The following SLC35D1 variants were observed in gnomAD, a reference collection of about 807,000 sequenced individuals.
SLC35D1 encodes the protein solute carrier family 35 member D1.
A neutral mutation model predicts 46.7 loss-of-function variants in SLC35D1; 31 were observed. The observed-to-expected ratio is 0.66, with a 90% confidence interval of 0.50 to 0.90. The LOEUF is 0.90. Among genes scored for constraint, SLC35D1 ranks in the 40% least tolerant of loss-of-function variants. The pLI is 0.00. For missense variants in SLC35D1, 397 were observed against 426.2 expected (o/e 0.93, Z 0.60); for synonymous variants, 195 against 164.6 (o/e 1.18, Z -1.41).
intron 2 of SLC35D1, 28 bp downstream of exon 2, chr1:67,052,928 C>T: frequency 6.2e-7 from 1 of 1,614,086 alleles, no homozygotes; most frequent in Admixed American, 1.7e-5. Flanking sequence ...ACAACATAAA[C>T]CACGTAATGG....
intron 10 of SLC35D1, among the ~76,000 whole-genome samples, chr1:67,016,815 C>T (rs1331957321): frequency 6.6e-6 from 1 of 152,030 alleles, no homozygotes. Context: ...TTTACCAATA[C>T]TTTGACTAAA....
intron 8 of SLC35D1, among the ~76,000 whole-genome samples, chr1:67,022,638 T>C (rs189027046): frequency 1.3e-5 from 2 of 152,332 alleles, no homozygotes. Context: ...CCACATCACA[T>C]TTATCTAATC....
intron 10 of SLC35D1, among the ~76,000 whole-genome samples, chr1:67,012,221 T>C (rs1667580529): frequency 1.3e-5 from 2 of 152,180 alleles, no homozygotes; most frequent in Non-Finnish European, 2.9e-5. Flanking sequence ...AAAAGTCCAG[T>C]CCCATGAGGG....
At position 67,009,110 on chromosome 1, in the gene SLC35D1, TC is replaced by T; in HGVS notation, c.933del (p.Trp311Ter). 1 of 1,515,024 alleles carries T rather than the reference TC, an allele frequency of 6.6e-7. No individual in the cohort carries two copies. Among genetic ancestry groups the T allele is most frequent in the Non-Finnish European group, 9.1e-7 (1 of 1,093,120 alleles). The allele number at this position is 1,515,024 out of a possible 1,614,324, so 93.8% of individuals were successfully genotyped here. ...CTGATATTTAAACCAATGAAGTTTGTCCACGTGAAAATATAATCTCCACCAA... is the reference window on the plus strand; with the variant it reads ...CTGATATTTAAACCAATGAAGTTTGTCACGTGAAAATATAATCTCCACCAA... ...MVFGGDYIFT[W>X]TNFIGLNISI... On this transcript the variant is annotated frameshift_variant, in exon 11 of 12. Transcript: ENST00000235345. LOFTEE classifies it high-confidence loss of function.
intron 10 of SLC35D1, among the ~76,000 whole-genome samples, chr1:67,012,280 A>G (rs1667581636): frequency 6.6e-6 from 1 of 152,174 alleles, no homozygotes; most frequent in Non-Finnish European, 1.5e-5. Context: ...GGTACCCCAC[A>G]TATCTGTGGG....
At chr1:67,027,568 C>G (rs1437389224) in intron 8 of SLC35D1, among the ~76,000 whole-genome samples, 1 of 152,172 alleles carries the variant, frequency 6.6e-6, no homozygotes, top group Non-Finnish European at 1.5e-5. Context: ...GCCACCTCAT[C>G]CCAGCTACTT....
chr1:66,976,731 A>AT, the SLC35D1 span: 26 of 1,569,012 alleles, frequency 1.7e-5, no homozygotes, highest in East Asian at 2.3e-5. Flanking sequence ...ACGTGAGTTA[A>AT]TTTTTTCCTT....
the SLC35D1 span, chr1:66,973,073 G>T: frequency 1.4e-6 from 1 of 736,292 alleles, no homozygotes; most frequent in Non-Finnish European, 2.3e-6. Context: ...TTGTTATATT[G>T]TCTAGTGTTA....
chr1:66,981,717 A>T, the SLC35D1 span: 1 of 1,349,042 alleles, frequency 7.4e-7, no homozygotes. Context: ...TCTGAATTTA[A>T]CCTCAACTAA....
At chr1:67,048,985 T>C (rs1016302826) in intron 6 of SLC35D1, among the ~76,000 whole-genome samples, 1 of 152,212 alleles carries the variant, frequency 6.6e-6, no homozygotes, top group Admixed American at 6.5e-5. Flanking sequence ...TGCTTTTCTT[T>C]AGCAGCATGC....
chr1:67,042,422 A>C (rs1645200389), intron 7 of SLC35D1, 94 bp from the exon 8 acceptor site: 4 of 987,226 alleles, frequency 4.1e-6, no homozygotes, highest in Non-Finnish European at 6.6e-6. Flanking sequence ...ATAAATACAC[A>C]AACACACACA....
intron 8 of SLC35D1, among the ~76,000 whole-genome samples, chr1:67,029,222 A>ATGTGTACATATATGGACATCTT (rs528282866): frequency 1.1e-3 from 171 of 152,336 alleles, no homozygotes; most frequent in African/African-American, 3.8e-3. Context: ...CTTACTAAGT[A>ATGTGTACATATATGGACATCTT]TGTGTACATA....
At position 67,032,901 on chromosome 1, in the gene SLC35D1, T is replaced by C. The variant is rs534310824; in HGVS notation, c.729+9335A>G. Among the ~76,000 whole-genome samples the C allele has an allele frequency of 4.6e-4, 70 of 152,298 alleles. 2 individuals are homozygous for C. In the South Asian group the frequency reaches 0.014, roughly 31 times the overall value. On this transcript the variant is annotated intron_variant, in intron 8 of 11. Coordinates refer to ENST00000235345, the MANE Select transcript of SLC35D1 (RefSeq NM_015139.3). ...CTTCCAGCTTTCCTCACCCCCCTACTACCCTTGCCAGCCTCTGGTAAACCA... is the reference window on the plus strand; with the variant it reads ...CTTCCAGCTTTCCTCACCCCCCTACCACCCTTGCCAGCCTCTGGTAAACCA...
At chr1:66,973,000 T>C in the SLC35D1 span, 1 of 1,507,828 alleles carries the variant, frequency 6.6e-7, no homozygotes, top group Non-Finnish European at 9.2e-7. Flanking sequence ...AAGTAAGTAA[T>C]GATAATCTCT....
intron 10 of SLC35D1, among the ~76,000 whole-genome samples, chr1:67,014,103 C>T (rs556900988): frequency 6.6e-6 from 1 of 152,274 alleles, no homozygotes; most frequent in South Asian, 2.1e-4. Context: ...GCTTAATGGG[C>T]TCTGCCTTGA....
chr1:67,053,887 G>C lies in SLC35D1; in HGVS notation c.127C>G (p.Leu43Val), dbSNP rs1398582024. The C allele has an allele frequency of 6.2e-7, 1 of 1,613,660 alleles. No homozygotes were observed. The highest frequency in any genetic ancestry group is 1.3e-5 in the African/African-American group (1 of 74,910). Residue 43 changes from leucine to valine, a missense_variant, in exon 1 of 12, where the codon CTG (leucine) becomes GTG (valine). Physicochemically the swap from Leu to Val is conservative, Grantham distance 32 (BLOSUM62 1). Transcript: ENST00000235345. ...SAETLTVFLK[L>V]LAAGFYGVSS... ...ACGCCGTAAAAGCCGGCGGCCAGCAGCTTCAGAAACACGGTCAGCGTTTCG... is the reference window on the plus strand; with the variant it reads ...ACGCCGTAAAAGCCGGCGGCCAGCACCTTCAGAAACACGGTCAGCGTTTCG...
rs546709407 is a variant in SLC35D1 at position 67,008,840 on chromosome 1, TCAAG to T, written c.959+241_959+244del. ...CCAGACTAGTCTCAAACTCCTGGGC[TCAAG>T]CAATCTGTCCACCTCAGCCTCCCAA... On this transcript the variant is annotated intron_variant, in intron 11 of 11. Coordinates refer to ENST00000235345, the MANE Select transcript of SLC35D1 (RefSeq NM_015139.3). 9.5e-3 allele frequency among the ~76,000 whole-genome samples: 1,440 copies of T among 152,124 alleles called. 14 individuals carry two copies. Among genetic ancestry groups the T allele is most frequent in the Non-Finnish European group, 0.015 (1,053 of 67,998 alleles).
In SLC35D1 at chr1:67,053,003, A is replaced by C. The variant is rs1645327065; in HGVS notation, c.204-14T>G. ...GAGGAGGGAAATCTACAAAAAGGGC[A>C]AAGAAAAAAACAAGATCAGAACAAA... On this transcript the variant is annotated splice_polypyrimidine_tract_variant and intron_variant, in intron 1 of 11. Coordinates refer to ENST00000235345, the MANE Select transcript of SLC35D1 (RefSeq NM_015139.3). 7 of 1,613,768 alleles carry C rather than the reference A, an allele frequency of 4.3e-6. No homozygotes were observed. Among genetic ancestry groups the C allele is most frequent in the Non-Finnish European group, 5.9e-6 (7 of 1,180,042 alleles).
chr1:67,014,672 T>TG (rs1451962533), intron 10 of SLC35D1, among the ~76,000 whole-genome samples: 2 of 142,664 alleles, frequency 1.4e-5, no homozygotes, highest in Non-Finnish European at 1.5e-5. Context: ...AATTTTTAGT[T>TG]TTTTTTTTTT....
Sources: allele counts gnomAD v4.1 joint callset (sites outside exome capture counted in the v4.1 genomes callset), GRCh38; gene constraint gnomAD v4.1.1; transcripts MANE v1.5; gene names NCBI Gene and HGNC (gene_info 2026-07-23, HGNC 2026-07-21).